The following FBLN7 variants were observed in gnomAD, a reference collection of about 807,000 sequenced individuals.
FBLN7 encodes the protein fibulin-7.
A neutral mutation model predicts 44.0 loss-of-function variants in FBLN7; 31 were observed. The observed-to-expected ratio is 0.70, with a 90% CI of 0.53 to 0.95. FBLN7 has a LOEUF of 0.95. FBLN7 is among the 40% of genes least tolerant of loss of function. The pLI is 0.00. For missense variants in FBLN7, 573 were observed against 618.5 expected, an observed-to-expected ratio of 0.93 and a Z score of 0.78; for synonymous variants, 262 against 253.4, an observed-to-expected ratio of 1.03 and a Z score of -0.32.
the FBLN7 span, among the ~76,000 whole-genome samples, chr2:112,216,683 C>CAAAA: frequency 7.1e-3 from 857 of 121,002 alleles, 8 homozygotes; most frequent in African/African-American, 0.023. Flanking sequence ...AGAACTGAAG[C>CAAAA]AAAAAAAAAA....
chr2:112,145,588 T>C (rs1334766358), intron 1 of FBLN7, among the ~76,000 whole-genome samples: 1 of 152,234 alleles, frequency 6.6e-6, no homozygotes, highest in Non-Finnish European at 1.5e-5. Context: ...TTTTTTATTT[T>C]AATGGATTGT....
the FBLN7 span, among the ~76,000 whole-genome samples, chr2:112,237,759 G>T: frequency 5.0e-4 from 76 of 151,628 alleles, no homozygotes; most frequent in Non-Finnish European, 1.0e-3. Flanking sequence ...TTATTTTTAG[G>T]TTTCACCATG....
chr2:112,232,127 T>C, the FBLN7 span, among the ~76,000 whole-genome samples: 2 of 152,206 alleles, frequency 1.3e-5, no homozygotes, highest in Admixed American at 1.3e-4. Context: ...CTAGCCAACA[T>C]GGCGAAACCT....
chr2:112,173,924 C>G (rs1384618129), intron 3 of FBLN7, among the ~76,000 whole-genome samples: 1 of 152,230 alleles, frequency 6.6e-6, no homozygotes, highest in Non-Finnish European at 1.5e-5. Context: ...GAGAGGGAGA[C>G]AGAGTGTACG....
chr2:112,193,667 A>G, the FBLN7 span, among the ~76,000 whole-genome samples: 1 of 152,236 alleles, frequency 6.6e-6, no homozygotes, highest in Admixed American at 6.5e-5. Flanking sequence ...CCAAATGTAT[A>G]TCATCCACGT....
At chr2:112,168,933 A>G (rs1682305442) in intron 3 of FBLN7, among the ~76,000 whole-genome samples, 1 of 152,128 alleles carries the variant, frequency 6.6e-6, no homozygotes, top group Non-Finnish European at 1.5e-5. Context: ...GATGAACCCA[A>G]CTTGGCAGGG....
the FBLN7 span, among the ~76,000 whole-genome samples, chr2:112,219,380 T>G: frequency 6.6e-6 from 1 of 152,200 alleles, no homozygotes; most frequent in Admixed American, 6.5e-5. Context: ...GATCTCCTCA[T>G]GCAAAACAGT....
chr2:112,138,577 C>T lies in FBLN7; in HGVS notation c.-79C>T. The T allele has an allele frequency of 6.3e-7, 1 of 1,596,782 alleles. No homozygotes were observed. The highest frequency in any genetic ancestry group is 1.3e-5 in the African/African-American group (1 of 74,318). On this transcript the variant is annotated 5_prime_UTR_variant, in exon 1 of 8. Coordinates refer to ENST00000331203, the MANE Select transcript of FBLN7 (RefSeq NM_153214.3). ...GGCGCCCCGCACCCTGCAGGGACGG[C>T]TGCCGCATCGCTGGGACAAACTCGG...
chr2:112,226,262 G>A, the FBLN7 span, among the ~76,000 whole-genome samples: 1 of 151,058 alleles, frequency 6.6e-6, no homozygotes, highest in Non-Finnish European at 1.5e-5. Context: ...CTTATAACAA[G>A]GACAGAAATT....
At chr2:112,182,292 A>G (rs1331023298) in intron 5 of FBLN7, among the ~76,000 whole-genome samples, 1 of 152,100 alleles carries the variant, frequency 6.6e-6, no homozygotes, top group African/African-American at 2.4e-5. Flanking sequence ...CTGACGGCTC[A>G]GTTTTGCTGT....
At position 112,187,754 on chromosome 2, in the gene FBLN7, C is replaced by T; in HGVS notation, c.*248C>T. 1.9e-6 allele frequency: 1 copy of T among 531,740 alleles called. No homozygotes were observed. Among genetic ancestry groups the T allele is most frequent in the African/African-American group, 1.9e-5 (1 of 52,442 alleles). The allele number at this position is 531,740 out of a possible 1,614,324, so 32.9% of individuals were successfully genotyped here. On this transcript the variant is annotated 3_prime_UTR_variant, in exon 8 of 8. Coordinates refer to ENST00000331203, the MANE Select transcript of FBLN7 (RefSeq NM_153214.3). This position sits in a 1 kb window ranked among gnomAD's most constrained non-coding sequence, Gnocchi z 5.1. ...GCCCTTCCCTTAGATTATGCACTAA[C>T]TTTCTTAAAACTTTTTCATCCAGGG... is the stretch of plus-strand genomic sequence containing the variant.
rs369109624 is a variant in FBLN7, at chr2:112,182,778, C to T, written c.671-13C>T. On this transcript the variant is annotated splice_polypyrimidine_tract_variant and intron_variant, in intron 5 of 7. Coordinates refer to ENST00000331203, the MANE Select transcript of FBLN7 (RefSeq NM_153214.3). Reference sequence around the variant, plus strand: ...ATGGCTCCTAAAGTCACAGTGAGCACTTCTGTCTGCAGACGTGAACGAGTG... The same window carrying T: ...ATGGCTCCTAAAGTCACAGTGAGCATTTCTGTCTGCAGACGTGAACGAGTG... 133 of 1,588,608 alleles carry T rather than the reference C, an allele frequency of 8.4e-5. 1 individual carries two copies. The highest frequency in any genetic ancestry group is 1.1e-4 in the Non-Finnish European group (130 of 1,168,500).
At chr2:112,183,021 G>A (rs1683083254) in intron 6 of FBLN7, 93 bp downstream of exon 6, 3 of 1,511,338 alleles carry the variant, frequency 2.0e-6, no homozygotes, top group Admixed American at 4.4e-5. Context: ...GTGGTTAGGA[G>A]AGTCACAGTT....
intron 3 of FBLN7, among the ~76,000 whole-genome samples, chr2:112,168,288 A>G (rs921288024): frequency 3.9e-5 from 6 of 152,216 alleles, no homozygotes; most frequent in African/African-American, 1.4e-4. Context: ...CTCAGACAGC[A>G]TGTGCTATCA....
chr2:112,170,156 C>A (rs1290192067), intron 3 of FBLN7, among the ~76,000 whole-genome samples: 1 of 152,136 alleles, frequency 6.6e-6, no homozygotes, highest in African/African-American at 2.4e-5. Flanking sequence ...GCAGAAGAAT[C>A]GCTTGAACCC....
chr2:112,239,268 T>C, the FBLN7 span, among the ~76,000 whole-genome samples: 2 of 152,226 alleles, frequency 1.3e-5, no homozygotes. Flanking sequence ...TGGTTACATG[T>C]GTTTCTACAC....
the FBLN7 span, among the ~76,000 whole-genome samples, chr2:112,194,167 G>A: frequency 5.2e-4 from 79 of 152,192 alleles, 2 homozygotes; most frequent in South Asian, 0.015. Context: ...GACTAGGACC[G>A]ATAACTGGAA....
intron 4 of FBLN7, among the ~76,000 whole-genome samples, chr2:112,178,909 T>C (rs887694858): frequency 4.3e-5 from 2 of 46,668 alleles, no homozygotes; most frequent in Non-Finnish European, 8.0e-5. Flanking sequence ...GAATGGGCAT[T>C]CTCCTTGAAA....
the FBLN7 span, among the ~76,000 whole-genome samples, chr2:112,234,947 C>T: frequency 6.6e-6 from 1 of 152,056 alleles, no homozygotes; most frequent in Non-Finnish European, 1.5e-5. Context: ...CAATGAGATG[C>T]TCACTGGGTG....
Sources: allele counts gnomAD v4.1 joint callset (sites outside exome capture counted in the v4.1 genomes callset), GRCh38; gene constraint gnomAD v4.1.1; non-coding constraint Gnocchi (gnomAD v3.1); transcripts MANE v1.5; gene names NCBI Gene and HGNC (gene_info 2026-07-23, HGNC 2026-07-21).